The following TMEM132D variants were observed in gnomAD, a reference collection of about 807,000 sequenced individuals.
TMEM132D encodes transmembrane protein 132D.
Under a neutral mutation model 62.3 loss-of-function variants are expected in TMEM132D, and 21 were observed. The ratio of observed to expected loss-of-function variants is 0.34; its 90% confidence interval spans 0.24 to 0.49. TMEM132D has a LOEUF of 0.49. Ranked by LOEUF, TMEM132D falls within the 20% of genes least tolerant of loss-of-function variation. The probability of loss-of-function intolerance (pLI) is 0.99; values close to 1 mark genes in which losing one functional copy is unlikely to be tolerated. For synonymous variants in TMEM132D, 621 were observed against 575.6 expected (o/e 1.08, Z -1.13); for missense variants, 1,346 against 1,402.8 (o/e 0.96, Z 0.65).
chr12:129,569,003 G>A (rs1480910154), intron 2 of TMEM132D, among the ~76,000 whole-genome samples: 1 of 152,122 alleles, frequency 6.6e-6, no homozygotes, highest in East Asian at 1.9e-4. Flanking sequence ...GCAGGTTTGG[G>A]GTGAGACAGG....
At chr12:129,282,777 C>T (rs567388643) in intron 4 of TMEM132D, among the ~76,000 whole-genome samples, 2 of 152,156 alleles carry the variant, frequency 1.3e-5, no homozygotes, top group African/African-American at 4.8e-5. Flanking sequence ...CTCAAGCGTG[C>T]TTCAGATCAT....
intron 1 of TMEM132D, among the ~76,000 whole-genome samples, chr12:129,822,489 A>G (rs1443718578): frequency 6.6e-6 from 1 of 152,182 alleles, no homozygotes; most frequent in Non-Finnish European, 1.5e-5. Context: ...CTGAGCTCTG[A>G]CAACACCTAC....
At chr12:129,631,754 T>A (rs1337001144) in intron 2 of TMEM132D, among the ~76,000 whole-genome samples, 1 of 152,118 alleles carries the variant, frequency 6.6e-6, no homozygotes, top group East Asian at 1.9e-4. Flanking sequence ...ACGGAATAGG[T>A]GTGGACTGCT....
chr12:129,859,074 G>A (rs941369522), intron 1 of TMEM132D, among the ~76,000 whole-genome samples: 3 of 152,122 alleles, frequency 2.0e-5, no homozygotes, highest in African/African-American at 4.8e-5. Flanking sequence ...CCGGGGGAAC[G>A]GGATGGGTGC....
At chr12:129,754,925 G>A (rs112095879) in intron 1 of TMEM132D, among the ~76,000 whole-genome samples, 6 of 152,206 alleles carry the variant, frequency 3.9e-5, no homozygotes, top group Middle Eastern at 3.4e-3. Flanking sequence ...AGGCCACCAC[G>A]TTTGTCACCA....
intron 2 of TMEM132D, among the ~76,000 whole-genome samples, chr12:129,537,244 G>C (rs1036965790): frequency 3.2e-4 from 48 of 151,316 alleles, no homozygotes; most frequent in African/African-American, 1.1e-3. Context: ...TTGGACTATT[G>C]AAATAATGTG....
At chr12:129,313,586 T>TATAC (rs1263124239) in intron 4 of TMEM132D, among the ~76,000 whole-genome samples, 1 of 149,414 alleles carries the variant, frequency 6.7e-6, no homozygotes, top group Non-Finnish European at 1.5e-5. Context: ...TATATATATA[T>TATAC]AAGTTTCTTT....
chr12:129,313,325 A>G (rs1882027045), intron 4 of TMEM132D, among the ~76,000 whole-genome samples: 1 of 151,868 alleles, frequency 6.6e-6, no homozygotes, highest in African/African-American at 2.4e-5. Flanking sequence ...CCGTCCTCCT[A>G]CTCTTCCCAT....
At chr12:129,720,689 G>A (rs1263109142) in intron 1 of TMEM132D, among the ~76,000 whole-genome samples, 1 of 152,128 alleles carries the variant, frequency 6.6e-6, no homozygotes, top group Non-Finnish European at 1.5e-5. Context: ...CACCTCCCCA[G>A]TCATCGTCTC....
chr12:129,457,984 G>A lies in TMEM132D; in HGVS notation c.1115+73075C>T, dbSNP rs548823445. On this transcript the variant is annotated intron_variant, in intron 3 of 8. Transcript: ENST00000422113. ...GTGCATTGCCTGATCTTGGACAGAA[G>A]CTGTGCTTCTCCATGGTTAGAGAAA... 2.3e-3 allele frequency among the ~76,000 whole-genome samples: 346 copies of A among 152,286 alleles called. 1 individual carries two copies. Among genetic ancestry groups the A allele is most frequent in the African/African-American group, 7.9e-3 (328 of 41,566 alleles).
chr12:129,903,485 C>T lies in TMEM132D; in HGVS notation c.-146G>A, dbSNP rs1875441170. On this transcript the variant is annotated 5_prime_UTR_variant, in exon 1 of 9. Transcript: ENST00000422113. The surrounding 1 kb of genome is among the most constrained non-coding windows in gnomAD (Gnocchi z 6.2). ...CCGAGCAGCCCGGGCGCCCTGCTCCCTCTTCCCGCCAGTCCATGGCCAGGC... is the reference window on the plus strand; with the variant it reads ...CCGAGCAGCCCGGGCGCCCTGCTCCTTCTTCCCGCCAGTCCATGGCCAGGC... The T allele has an allele frequency of 1.3e-6, 1 of 761,500 alleles. No homozygotes were observed. 47.2% of individuals were successfully genotyped at this position (761,500 alleles called of 1,614,324 possible).
chr12:129,549,684 C>T (rs1486442106), intron 2 of TMEM132D, among the ~76,000 whole-genome samples: 1 of 152,202 alleles, frequency 6.6e-6, no homozygotes, highest in Non-Finnish European at 1.5e-5. Context: ...AATACACTTC[C>T]CTACTCCCTT....
chr12:129,902,265 G>GATCTCAAAA (rs1180537315), intron 1 of TMEM132D, among the ~76,000 whole-genome samples: 8 of 152,324 alleles, frequency 5.3e-5, no homozygotes, highest in Admixed American at 3.3e-4. Flanking sequence ...TTCTGAGAGA[G>GATCTCAAAA]ATCTCATCTC....
At chr12:129,746,396 T>C (rs923832630) in intron 1 of TMEM132D, among the ~76,000 whole-genome samples, 3 of 152,062 alleles carry the variant, frequency 2.0e-5, no homozygotes, top group South Asian at 2.1e-4. Flanking sequence ...GAGGACCAAT[T>C]AGGAGGCTGA....
intron 1 of TMEM132D, among the ~76,000 whole-genome samples, chr12:129,715,204 G>A (rs1198627916): frequency 6.6e-6 from 1 of 152,150 alleles, no homozygotes; most frequent in African/African-American, 2.4e-5. Flanking sequence ...CTGAACAAAT[G>A]TAAGAGAGAC....
chr12:129,795,438 T>A (rs888408419), intron 1 of TMEM132D, among the ~76,000 whole-genome samples: 1 of 152,208 alleles, frequency 6.6e-6, no homozygotes, highest in Non-Finnish European at 1.5e-5. Context: ...GATAAATATT[T>A]AAAAAATTTA....
At chr12:129,279,984 C>A (rs1260374804) in intron 4 of TMEM132D, among the ~76,000 whole-genome samples, 1 of 152,086 alleles carries the variant, frequency 6.6e-6, no homozygotes, top group African/African-American at 2.4e-5. Context: ...TGATGTTCTG[C>A]TTATAAGGAA....
At position 129,216,671 on chromosome 12, in the gene TMEM132D, A is replaced by G. The variant is rs370680581; in HGVS notation, c.1300-7008T>C. ...TGAGTGTCTCTTGTATTTAGCCATCACGTTGTGTTACTTCATCACTTCAGT... is the reference window on the plus strand; with the variant it reads ...TGAGTGTCTCTTGTATTTAGCCATCGCGTTGTGTTACTTCATCACTTCAGT... On this transcript the variant is annotated intron_variant, in intron 4 of 8. Transcript: ENST00000422113. 3.9e-4 allele frequency among the ~76,000 whole-genome samples: 59 copies of G among 152,318 alleles called. 3 individuals are homozygous for G. The highest frequency in any genetic ancestry group is 3.9e-3 in the East Asian group (20 of 5,178).
chr12:129,508,810 C>A (rs866369346), intron 3 of TMEM132D, among the ~76,000 whole-genome samples: 1 of 151,954 alleles, frequency 6.6e-6, no homozygotes, highest in African/African-American at 2.4e-5. Flanking sequence ...AAGGGGGATA[C>A]GCATTGATGA....
Sources: gnomAD v4.1 joint callset for allele counts (sites outside exome capture counted in the v4.1 genomes callset) on GRCh38, gnomAD v4.1.1 for gene constraint, Gnocchi (gnomAD v3.1) non-coding constraint, MANE v1.5 for transcripts, NCBI Gene and HGNC (gene_info 2026-07-23, HGNC 2026-07-21) for gene names.